The following MACROD2 variants were observed in gnomAD, a reference collection of about 807,000 sequenced individuals.
MACROD2 encodes mono-ADP ribosylhydrolase 2, also known as ADP-ribose glycohydrolase MACROD2.
MACROD2 carries 36 observed loss-of-function variants against 70.4 expected under a neutral mutation model. That is an observed-to-expected ratio of 0.51 (90% CI 0.39 to 0.68). The LOEUF (loss-of-function observed/expected upper bound fraction) is 0.68, where lower values mean the gene tolerates loss of function less well. Ranked by LOEUF, MACROD2 falls within the 30% of genes least tolerant of loss-of-function variation. The pLI is 0.00. For synonymous variants in MACROD2, 172 were observed against 178.8 expected (o/e 0.96, Z 0.30); for missense variants, 496 against 538.4 (o/e 0.92, Z 0.78).
chr20:15,986,732 G>T lies in MACROD2; in HGVS notation c.991G>T (p.Glu331Ter). The part of the protein sequence containing the change: ...VRDQDHPDGQ[E>*]NDSTKNEIKI... Reference sequence around the variant, plus strand: ...TCAATCACTGTTTTGAACAGGACAAGAGAATGATTCAACGAAGAATGAAAT... The same window carrying T: ...TCAATCACTGTTTTGAACAGGACAATAGAATGATTCAACGAAGAATGAAAT... The change falls in exon 14 of 18, where the codon GAG (glutamate) becomes TAG (stop). Residue 331 changes from glutamate (E) to a stop codon, truncating the protein, a stop_gained. Coordinates refer to ENST00000684519, the MANE Select transcript of MACROD2 (RefSeq NM_001351661.2). LOFTEE classifies it high-confidence loss of function. 1 of 1,610,924 alleles carries T rather than the reference G, an allele frequency of 6.2e-7. No homozygotes were observed. The highest frequency in any genetic ancestry group is 8.5e-7 in the Non-Finnish European group (1 of 1,177,156).
intron 5 of MACROD2, among the ~76,000 whole-genome samples, chr20:14,963,378 G>A (rs1277144811): frequency 6.6e-6 from 1 of 152,118 alleles, no homozygotes; most frequent in Non-Finnish European, 1.5e-5. Flanking sequence ...AGACCTGGGA[G>A]GGTGAAATGA....
chr20:14,597,128 A>C (rs1204400899), intron 4 of MACROD2, among the ~76,000 whole-genome samples: 2 of 152,242 alleles, frequency 1.3e-5, no homozygotes, highest in African/African-American at 2.4e-5. Context: ...TATTTTAAAA[A>C]GCATAAAGCC....
At chr20:14,839,433 CAA>C (rs2073064218) in intron 5 of MACROD2, among the ~76,000 whole-genome samples, 1 of 152,060 alleles carries the variant, frequency 6.6e-6, no homozygotes, top group Non-Finnish European at 1.5e-5. Flanking sequence ...GCATGTAAGA[CAA>C]AGAAACATGA....
intron 8 of MACROD2, among the ~76,000 whole-genome samples, chr20:15,842,745 G>GAT (rs1555786005): frequency 5.4e-5 from 2 of 36,994 alleles, no homozygotes; most frequent in Admixed American, 2.7e-4. Flanking sequence ...TAGATAGATA[G>GAT]AGAAATAGAC....
chr20:15,601,750 C>G (rs2048823012), intron 8 of MACROD2, among the ~76,000 whole-genome samples: 1 of 152,106 alleles, frequency 6.6e-6, no homozygotes, highest in Non-Finnish European at 1.5e-5. Flanking sequence ...AACTTGAGGC[C>G]AGGTGTGGTG....
At chr20:14,398,526 A>G (rs6074727) in intron 3 of MACROD2, among the ~76,000 whole-genome samples, 150,349 of 152,154 alleles carry the variant, frequency 0.99, 74,305 homozygotes, top group Middle Eastern at 1. Context: ...ACTAAAACAA[A>G]TTTGATGTTT....
intron 5 of MACROD2, among the ~76,000 whole-genome samples, chr20:14,933,660 A>G (rs1013566152): frequency 5.3e-5 from 8 of 152,140 alleles, no homozygotes; most frequent in African/African-American, 1.7e-4. Context: ...TAAAGTTTCT[A>G]TTGGAGTAAG....
intron 5 of MACROD2, among the ~76,000 whole-genome samples, chr20:14,899,043 A>C (rs912168094): frequency 2.0e-5 from 3 of 152,180 alleles, no homozygotes; most frequent in Non-Finnish European, 2.9e-5. Context: ...ACTAACTCCA[A>C]CACTTAGTTA....
intron 5 of MACROD2, among the ~76,000 whole-genome samples, chr20:15,195,579 C>T (rs2076600672): frequency 1.3e-5 from 2 of 152,066 alleles, no homozygotes; most frequent in African/African-American, 4.8e-5. Flanking sequence ...AGTCAAAAAA[C>T]AACAGATGTT....
At chr20:14,448,654 C>G (rs1450236380) in intron 3 of MACROD2, among the ~76,000 whole-genome samples, 1 of 150,654 alleles carries the variant, frequency 6.6e-6, no homozygotes, top group Non-Finnish European at 1.5e-5. Context: ...GGCAATAGAT[C>G]GACACTCCCT....
At chr20:15,728,056 T>C (rs1286942398) in intron 8 of MACROD2, among the ~76,000 whole-genome samples, 1 of 152,134 alleles carries the variant, frequency 6.6e-6, no homozygotes, top group African/African-American at 2.4e-5. Flanking sequence ...ATGGTTCTGA[T>C]TATTTTGAGG....
intron 8 of MACROD2, among the ~76,000 whole-genome samples, chr20:15,765,478 G>A (rs1485924224): frequency 1.3e-5 from 2 of 152,094 alleles, no homozygotes; most frequent in Non-Finnish European, 2.9e-5. Context: ...ATTATTGAAC[G>A]GTGTATTGTT....
At chr20:14,376,779 AAT>A (rs2083375686) in intron 3 of MACROD2, among the ~76,000 whole-genome samples, 8 of 148,124 alleles carry the variant, frequency 5.4e-5, no homozygotes, top group Non-Finnish European at 1.0e-4. Context: ...TAATAATAAT[AAT>A]AATAATAATA....
At chr20:14,312,381 CT>C (rs2082575138) in intron 3 of MACROD2, among the ~76,000 whole-genome samples, 1 of 152,160 alleles carries the variant, frequency 6.6e-6, no homozygotes, top group Non-Finnish European at 1.5e-5. Context: ...TGTTCATTTA[CT>C]TTTATCACTA....
chr20:15,190,818 T>C (rs558995866), intron 5 of MACROD2, among the ~76,000 whole-genome samples: 2 of 152,020 alleles, frequency 1.3e-5, no homozygotes, highest in African/African-American at 4.8e-5. Context: ...TTAGGGACCA[T>C]CTCTAGTGGT....
In MACROD2 at chr20:15,659,745, G is replaced by T. The variant is rs150801787; in HGVS notation, c.645+159898G>T. Among the ~76,000 whole-genome samples the T allele has an allele frequency of 4.5e-3, 686 of 152,266 alleles. 11 individuals carry two copies. The highest frequency in any genetic ancestry group is 0.016 in the African/African-American group (661 of 41,540). On this transcript the variant is annotated intron_variant, in intron 8 of 17. Transcript: ENST00000684519. ...GTTTGTATGGCTCACAGTTTGGCAG[G>T]CTCTACAAGAGGCAGGGCACCAGCA... is the stretch of plus-strand genomic sequence containing the variant.
intron 4 of MACROD2, among the ~76,000 whole-genome samples, chr20:14,627,726 A>T (rs1299972445): frequency 6.6e-6 from 1 of 152,202 alleles, no homozygotes; most frequent in Non-Finnish European, 1.5e-5. Context: ...GTGTGTTTTG[A>T]TTCTTACAAT....
At chr20:15,835,551 T>C (rs1383784967) in intron 8 of MACROD2, among the ~76,000 whole-genome samples, 1 of 152,126 alleles carries the variant, frequency 6.6e-6, no homozygotes, top group East Asian at 1.9e-4. Context: ...AATAATATCA[T>C]TGGTATGTTG....
rs35501775 is a variant in MACROD2 at position 14,735,149 on chromosome 20, C to CA, written c.418+50197dup. Among the ~76,000 whole-genome samples the CA allele has an allele frequency of 7.8e-4, 118 of 151,846 alleles. 1 individual carries two copies. In the South Asian group the frequency reaches 0.018, roughly 24 times the overall value. On this transcript the variant is annotated intron_variant, in intron 5 of 17. Coordinates refer to ENST00000684519, the MANE Select transcript of MACROD2 (RefSeq NM_001351661.2). ...ATAGATAAATTAGACGTTATTAAAA[C>CA]AAAAAAAGCCCTTTTGTGCCTCAAA... is the stretch of plus-strand genomic sequence containing the variant.
Sources: gnomAD v4.1 joint callset for allele counts (sites outside exome capture counted in the v4.1 genomes callset) on GRCh38, gnomAD v4.1.1 for gene constraint, MANE v1.5 for transcripts, NCBI Gene and HGNC (gene_info 2026-07-23, HGNC 2026-07-21) for gene names.